Variants in TYR observed in about 807,000 individuals in gnomAD.
The protein encoded by TYR is LB24-AB.
In TYR, 58 loss-of-function variants were observed where a neutral mutation model predicts 51.5. The ratio of observed to expected loss-of-function variants is 1.13; its 90% CI spans 0.91 to 1.40. TYR has a LOEUF of 1.40. Among genes scored for constraint, TYR ranks in the 40% most tolerant of loss-of-function variants. The pLI is 0.00. For missense variants in TYR, 732 were observed against 647.4 expected, an observed-to-expected ratio of 1.13 and a Z score of -1.42; for synonymous variants, 263 against 235.2, an observed-to-expected ratio of 1.12 and a Z score of -1.08.
chr11:89,248,836 G>A (rs1944298322), intron 3 of TYR, among the ~76,000 whole-genome samples: 1 of 152,118 alleles, frequency 6.6e-6, no homozygotes, highest in African/African-American at 2.4e-5. Context: ...TGACAATGGA[G>A]CTATTGGGAA....
chr11:89,275,189 A>G (rs973388953), intron 3 of TYR, among the ~76,000 whole-genome samples: 4 of 151,834 alleles, frequency 2.6e-5, no homozygotes, highest in Non-Finnish European at 4.4e-5. Flanking sequence ...TTTCTTACAT[A>G]CTCTGAGAGA....
At chr11:89,283,220 A>T (rs570009375) in intron 3 of TYR, among the ~76,000 whole-genome samples, 1 of 151,918 alleles carries the variant, frequency 6.6e-6, no homozygotes, top group African/African-American at 2.4e-5. Flanking sequence ...ATTCCTCACT[A>T]AATTCACAAC....
In TYR at chr11:89,295,231, G is replaced by C; in HGVS notation, c.1455G>C (p.Gly485=). 6.2e-7 allele frequency: 1 copy of C among 1,613,966 alleles called. No homozygotes were observed. Among genetic ancestry groups the C allele is most frequent in the Non-Finnish European group, 8.5e-7 (1 of 1,179,874 alleles). The part of the protein sequence containing the change: ...WSWLLGAAMV[G]AVLTALLAGL... ...GGCTCCTTGGGGCGGCGATGGTAGG[G>C]GCCGTCCTCACTGCCCTGCTGGCAG... is the stretch of plus-strand genomic sequence containing the variant. The change falls in exon 5 of 5, where the codon GGG becomes GGC. Residue 485 remains glycine (G), a synonymous_variant. Coordinates refer to ENST00000263321, the MANE Select transcript of TYR (RefSeq NM_000372.5).
chr11:89,221,374 A>G (rs1328218133), intron 2 of TYR, among the ~76,000 whole-genome samples: 1 of 152,226 alleles, frequency 6.6e-6, no homozygotes, highest in African/African-American at 2.4e-5. Flanking sequence ...AAATCTCCTG[A>G]GTCAAATTAA....
intron 2 of TYR, among the ~76,000 whole-genome samples, chr11:89,215,227 G>A (rs2135272469): frequency 6.6e-6 from 1 of 152,138 alleles, no homozygotes; most frequent in Admixed American, 6.6e-5. Flanking sequence ...GCTACTTATA[G>A]CTGACTTCTC....
intron 4 of TYR, among the ~76,000 whole-genome samples, chr11:89,286,387 T>C (rs1192866735): frequency 6.6e-6 from 1 of 151,888 alleles, no homozygotes; most frequent in African/African-American, 2.4e-5. Context: ...AGTTCACACA[T>C]ACTAAGTATT....
intron 3 of TYR, among the ~76,000 whole-genome samples, chr11:89,270,422 CACA>C: frequency 6.6e-6 from 1 of 151,988 alleles, no homozygotes; most frequent in Non-Finnish European, 1.5e-5. Flanking sequence ...TGCTGGCATT[CACA>C]CTGTACTGTG....
At chr11:89,276,390 G>T (rs1445412001) in intron 3 of TYR, among the ~76,000 whole-genome samples, 2 of 151,816 alleles carry the variant, frequency 1.3e-5, no homozygotes, top group African/African-American at 4.8e-5. Context: ...AGGAAGGAAA[G>T]AACAGAAACC....
intron 2 of TYR, among the ~76,000 whole-genome samples, chr11:89,212,113 A>G (rs1003777342): frequency 2.0e-5 from 3 of 152,230 alleles, no homozygotes; most frequent in African/African-American, 7.2e-5. Context: ...TGAAGGAGAC[A>G]GAGACAAGAA....
intron 2 of TYR, among the ~76,000 whole-genome samples, chr11:89,221,989 A>G (rs1051008779): frequency 6.6e-6 from 1 of 152,244 alleles, no homozygotes; most frequent in African/African-American, 2.4e-5. Context: ...TTATGTGCCA[A>G]TGCCTAGCCA....
At chr11:89,182,565 TGG>T (rs1943315998) in intron 1 of TYR, among the ~76,000 whole-genome samples, 1 of 152,210 alleles carries the variant, frequency 6.6e-6, no homozygotes, top group Non-Finnish European at 1.5e-5. Flanking sequence ...TAATATTTAT[TGG>T]TCAGAGTTTT....
intron 3 of TYR, among the ~76,000 whole-genome samples, chr11:89,252,771 T>C (rs1944346031): frequency 1.3e-5 from 2 of 151,832 alleles, no homozygotes; most frequent in East Asian, 3.9e-4. Flanking sequence ...GAGAATAAGA[T>C]CGGGGACGTA....
At chr11:89,218,021 T>C (rs1281302347) in intron 2 of TYR, among the ~76,000 whole-genome samples, 1 of 152,202 alleles carries the variant, frequency 6.6e-6, no homozygotes, top group Non-Finnish European at 1.5e-5. Flanking sequence ...TAACATCTAC[T>C]GTTATCCCCT....
At position 89,177,923 on chromosome 11, in the gene TYR, T is replaced by C; in HGVS notation, c.-31T>C. 6.2e-7 allele frequency: 1 copy of C among 1,610,212 alleles called. No individual in the cohort carries two copies. On this transcript the variant is annotated 5_prime_UTR_variant, in exon 1 of 5. Coordinates refer to ENST00000263321, the MANE Select transcript of TYR (RefSeq NM_000372.5). ...AAATCTGTGACTCCAATTAGCCAGT[T>C]CCTGCAGACCTTGTGAGGACTAGAG...
At chr11:89,216,409 C>T (rs933329461) in intron 2 of TYR, among the ~76,000 whole-genome samples, 1 of 151,816 alleles carries the variant, frequency 6.6e-6, no homozygotes, top group Non-Finnish European at 1.5e-5. Context: ...CATAAGAAAA[C>T]TCAAGGCTGA....
At chr11:89,201,525 T>C (rs1943598752) in intron 2 of TYR, among the ~76,000 whole-genome samples, 1 of 152,236 alleles carries the variant, frequency 6.6e-6, no homozygotes, top group Non-Finnish European at 1.5e-5. Context: ...TAAAAAATTG[T>C]TTTGCTTCAT....
intron 1 of TYR, among the ~76,000 whole-genome samples, chr11:89,183,294 C>A (rs1194218202): frequency 6.6e-6 from 1 of 151,948 alleles, no homozygotes; most frequent in Non-Finnish European, 1.5e-5. Context: ...TGTTATAAAT[C>A]ACTTGCGTTG....
intron 2 of TYR, chr11:89,200,435 G>A (rs1201141483): frequency 6.6e-6 from 1 of 152,048 alleles, no homozygotes; most frequent in Non-Finnish European, 1.5e-5. Context: ...GGACTGCTTT[G>A]TAATCTTCTA....
chr11:89,226,266 A>G (rs1024724370), intron 2 of TYR, among the ~76,000 whole-genome samples: 4 of 152,084 alleles, frequency 2.6e-5, no homozygotes, highest in African/African-American at 9.7e-5. Flanking sequence ...TTAATGTCTA[A>G]TTTGTTATTT....
Sources: gnomAD v4.1 joint callset for allele counts (sites outside exome capture counted in the v4.1 genomes callset) on GRCh38, gnomAD v4.1.1 for gene constraint, MANE v1.5 for transcripts, NCBI Gene and HGNC (gene_info 2026-07-23, HGNC 2026-07-21) for gene names.